TSHZ3: variants seen among roughly 807,000 people sequenced by gnomAD.
TSHZ3 encodes the protein teashirt homolog 3.
A neutral mutation model predicts 64.5 loss-of-function variants in TSHZ3; 10 were observed. The observed-to-expected ratio is 0.16, with a 90% CI of 0.10 to 0.26. TSHZ3 has a LOEUF of 0.26. TSHZ3 is among the 10% of genes least tolerant of loss of function. The probability of loss-of-function intolerance (pLI) is 1.00; values close to 1 mark genes in which losing one functional copy is unlikely to be tolerated. For synonymous variants in TSHZ3, 608 were observed against 593.1 expected (o/e 1.03, Z -0.36); for missense variants, 1,242 against 1,421.7 (o/e 0.87, Z 2.03).
At chr19:31,334,710 G>C (rs1185130024) in intron 1 of TSHZ3, among the ~76,000 whole-genome samples, 4 of 152,078 alleles carry the variant, frequency 2.6e-5, no homozygotes, top group African/African-American at 9.7e-5. Flanking sequence ...GTTGATGCGG[G>C]GGTCAGTGGA....
At chr19:31,285,611 C>T (rs540796086) in intron 1 of TSHZ3, among the ~76,000 whole-genome samples, 7 of 150,510 alleles carry the variant, frequency 4.7e-5, no homozygotes, top group Middle Eastern at 3.5e-3. Context: ...GGTGAAACTC[C>T]GTCTCTACTA....
chr19:31,249,058 C>T (rs184071769), intron 1 of TSHZ3, among the ~76,000 whole-genome samples: 6 of 151,976 alleles, frequency 3.9e-5, no homozygotes, highest in Admixed American at 2.0e-4. Flanking sequence ...TGCTCGCTTG[C>T]GACCCCCAAG....
At chr19:31,205,495 A>G (rs1568347438) in intron 4 of TSHZ3, among the ~76,000 whole-genome samples, 1 of 152,170 alleles carries the variant, frequency 6.6e-6, no homozygotes, top group Admixed American at 6.5e-5. Flanking sequence ...GAAACTTGGG[A>G]TGGGAGGACC....
chr19:31,308,443 G>A lies in TSHZ3; in HGVS notation c.41-28691C>T, dbSNP rs150578358. 76 of 389,454 alleles carry A rather than the reference G, an allele frequency of 2.0e-4. No homozygotes were observed. In the East Asian group the frequency reaches 2.5e-3, roughly 13 times the overall value. 24.1% of individuals were successfully genotyped at this position (389,454 alleles called of 1,614,324 possible). ...CGACAGGCAAAATAGAGACAGCTCC[G>A]GTGTCATCGCCAGGGAGCCCACAGC... On this transcript the variant is annotated intron_variant, in intron 1 of 1. Coordinates refer to ENST00000240587, the MANE Select transcript of TSHZ3 (RefSeq NM_020856.4).
chr19:31,310,729 C>A (rs896381278), intron 1 of TSHZ3, among the ~76,000 whole-genome samples: 2 of 152,212 alleles, frequency 1.3e-5, no homozygotes, highest in Non-Finnish European at 1.5e-5. Context: ...AGCTACAAAA[C>A]CTCTCTACGT....
intron 4 of TSHZ3, among the ~76,000 whole-genome samples, chr19:31,215,833 T>A (rs1975319289): frequency 6.6e-6 from 1 of 152,066 alleles, no homozygotes; most frequent in Non-Finnish European, 1.5e-5. Flanking sequence ...ATCGTGCCCC[T>A]GCACTCCAGC....
chr19:31,271,036 C>T (rs755748163), downstream of TSHZ3, among the ~76,000 whole-genome samples: 10 of 152,168 alleles, frequency 6.6e-5, no homozygotes, highest in African/African-American at 1.7e-4. Context: ...CTCCAGAAGC[C>T]GTGGACTTAT....
At chr19:31,344,866 C>T (rs1048030132) in intron 1 of TSHZ3, among the ~76,000 whole-genome samples, 3 of 152,198 alleles carry the variant, frequency 2.0e-5, no homozygotes, top group Admixed American at 1.3e-4. Flanking sequence ...GGGGAAAAGG[C>T]AGACGTGTGA....
intron 1 of TSHZ3, among the ~76,000 whole-genome samples, chr19:31,258,744 T>C (rs1164319810): frequency 6.6e-6 from 1 of 152,208 alleles, no homozygotes; most frequent in Non-Finnish European, 1.5e-5. Context: ...AGACTAGCTG[T>C]CAATCAATGT....
chr19:31,220,507 T>C (rs987656085), intron 4 of TSHZ3, among the ~76,000 whole-genome samples: 10 of 152,182 alleles, frequency 6.6e-5, no homozygotes, highest in African/African-American at 1.9e-4. Flanking sequence ...TTTTATTTCA[T>C]TGGGTTGGGG....
At chr19:31,157,895 G>A (rs1974326309) in intron 5 of TSHZ3, among the ~76,000 whole-genome samples, 1 of 152,180 alleles carries the variant, frequency 6.6e-6, no homozygotes, top group Non-Finnish European at 1.5e-5. Context: ...TTGAGGCATA[G>A]GCTGCTTCTA....
chr19:31,318,477 T>C (rs1163206236), intron 1 of TSHZ3, among the ~76,000 whole-genome samples: 1 of 152,248 alleles, frequency 6.6e-6, no homozygotes, highest in Non-Finnish European at 1.5e-5. Flanking sequence ...AACTTTTTTG[T>C]ATAATTCTAT....
At chr19:31,294,984 A>C (rs540365493) in intron 1 of TSHZ3, among the ~76,000 whole-genome samples, 1 of 152,352 alleles carries the variant, frequency 6.6e-6, no homozygotes, top group East Asian at 1.9e-4. Context: ...CCAGATAGCA[A>C]TCTTTACTAC....
intron 1 of TSHZ3, among the ~76,000 whole-genome samples, chr19:31,257,808 G>T (rs1401921565): frequency 6.6e-6 from 1 of 152,192 alleles, no homozygotes; most frequent in Non-Finnish European, 1.5e-5. Context: ...CTATAAAAAG[G>T]CTTGAGTCTG....
chr19:31,217,735 T>C (rs1975352207), intron 4 of TSHZ3, among the ~76,000 whole-genome samples: 1 of 152,218 alleles, frequency 6.6e-6, no homozygotes, highest in Admixed American at 6.5e-5. Context: ...CATAATGGCA[T>C]GTATCCACCT....
rs8110239 is a variant in TSHZ3, at chr19:31,180,747, G to A, written n.809+24209C>T. Among the ~76,000 whole-genome samples, 610 of 152,208 alleles carry A rather than the reference G, an allele frequency of 4.0e-3. 5 individuals are homozygous for A. Among genetic ancestry groups the A allele is most frequent in the South Asian group, 0.017 (84 of 4,822 alleles). ...GAGATGCTGAATGTGAGAGCTGGAC[G>A]CTTTGACAGGATTTCTGTTGCTTTT... On this transcript the variant is annotated intron_variant and non_coding_transcript_variant, in intron 5 of 6. Coordinates refer to the TSHZ3 transcript ENST00000651361.
chr19:31,264,493 C>G (rs1199581470), intron 1 of TSHZ3, among the ~76,000 whole-genome samples: 1 of 152,180 alleles, frequency 6.6e-6, no homozygotes, highest in Non-Finnish European at 1.5e-5. Flanking sequence ...TCAGTCCCGC[C>G]TGTGGGAGAG....
In TSHZ3 at chr19:31,277,744, G is replaced by A. The variant is rs375370168; in HGVS notation, c.2049C>T (p.Pro683=). The change falls in exon 2 of 2, where the codon CCC becomes CCT. Residue 683 remains proline (P), a synonymous_variant. Coordinates refer to ENST00000240587, the MANE Select transcript of TSHZ3 (RefSeq NM_020856.4). The surrounding 1 kb of genome is among the most constrained non-coding windows in gnomAD (Gnocchi z 4.5). ...PPRDGCKDGS[P]LAEPVENGKE... is the part of the protein sequence containing the mutation. The stretch of plus-strand genomic sequence containing the variant: ...TGCCATTCTCCACCGGCTCAGCGAG[G>A]GGGCTCCCATCCTTGCACCCATCCC... The A allele has an allele frequency of 2.0e-6, 3 of 1,522,384 alleles. No homozygotes were observed. In the African/African-American group the frequency reaches 4.2e-5, roughly 21 times the overall value. 94.3% of individuals were successfully genotyped at this position (1,522,384 alleles called of 1,614,324 possible). A position where few individuals can be genotyped will look rare whatever the true frequency, so the allele number is the denominator to read the frequency against.
At chr19:31,284,003 A>T (rs2045632956) in intron 1 of TSHZ3, among the ~76,000 whole-genome samples, 2 of 152,162 alleles carry the variant, frequency 1.3e-5, no homozygotes, top group African/African-American at 4.8e-5. Context: ...CCGTCCACCG[A>T]TTCGACCCAA....
Sources: allele counts gnomAD v4.1 joint callset (sites outside exome capture counted in the v4.1 genomes callset), GRCh38; gene constraint gnomAD v4.1.1; non-coding constraint Gnocchi (gnomAD v3.1); transcripts MANE v1.5; gene names NCBI Gene and HGNC (gene_info 2026-07-23, HGNC 2026-07-21).